Variants in LRRTM4 observed in about 807,000 individuals in gnomAD.
LRRTM4 encodes leucine rich repeat transmembrane neuronal 4, also known as leucine-rich repeat transmembrane neuronal protein 4.
In LRRTM4, 25 loss-of-function variants were observed where a neutral mutation model predicts 47.6. That is an observed-to-expected ratio of 0.53 (90% CI 0.38 to 0.73). LRRTM4 has a LOEUF of 0.73. Among genes scored for constraint, LRRTM4 ranks in the 30% least tolerant of loss-of-function variants. The probability of loss-of-function intolerance (pLI) is 0.00; values close to 1 mark genes in which losing one functional copy is unlikely to be tolerated. For missense variants in LRRTM4, 638 were observed against 713.4 expected, an observed-to-expected ratio of 0.89 and a Z score of 1.20; for synonymous variants, 311 against 269.5, an observed-to-expected ratio of 1.15 and a Z score of -1.51.
intron 3 of LRRTM4, among the ~76,000 whole-genome samples, chr2:77,242,036 A>G (rs1675282722): frequency 6.6e-6 from 1 of 152,234 alleles, no homozygotes; most frequent in South Asian, 2.1e-4. Context: ...TTTGATTGCT[A>G]TAATAGCTTT....
intron 3 of LRRTM4, among the ~76,000 whole-genome samples, chr2:76,799,979 C>A (rs1220455242): frequency 6.6e-6 from 1 of 151,648 alleles, no homozygotes; most frequent in African/African-American, 2.4e-5. Context: ...AAGAACATTC[C>A]ATGCTCGTGG....
chr2:77,037,406 A>G (rs2104162960), intron 3 of LRRTM4, among the ~76,000 whole-genome samples: 1 of 151,900 alleles, frequency 6.6e-6, no homozygotes, highest in South Asian at 2.1e-4. Flanking sequence ...GGGTCACTAT[A>G]GTTCTCTCTG....
chr2:77,043,194 G>A (rs867713902), intron 3 of LRRTM4, among the ~76,000 whole-genome samples: 4 of 151,798 alleles, frequency 2.6e-5, no homozygotes, highest in Middle Eastern at 6.8e-3. Flanking sequence ...GTTCTGTGGG[G>A]AAAACAGGCT....
intron 3 of LRRTM4, among the ~76,000 whole-genome samples, chr2:77,010,742 A>T (rs1429011351): frequency 6.6e-6 from 1 of 152,146 alleles, no homozygotes; most frequent in East Asian, 1.9e-4. Context: ...AAAGTGGCTG[A>T]TACTTAGATG....
chr2:77,355,072 A>G (rs932539945), intron 3 of LRRTM4, among the ~76,000 whole-genome samples: 1 of 152,218 alleles, frequency 6.6e-6, no homozygotes, highest in Non-Finnish European at 1.5e-5. Flanking sequence ...TGATCCTCTC[A>G]TGCATGGATT....
intron 3 of LRRTM4, among the ~76,000 whole-genome samples, chr2:76,812,875 A>G (rs978005838): frequency 1.4e-5 from 2 of 146,760 alleles, no homozygotes; most frequent in East Asian, 4.2e-4. Flanking sequence ...ATATTTAATT[A>G]TCATTAGTGG....
intron 3 of LRRTM4, among the ~76,000 whole-genome samples, chr2:77,360,774 A>C (rs1672179178): frequency 1.3e-5 from 2 of 152,092 alleles, no homozygotes; most frequent in Non-Finnish European, 2.9e-5. Flanking sequence ...ATAAATCAGG[A>C]AGGTTAATTT....
At chr2:77,337,818 C>T (rs945316279) in intron 3 of LRRTM4, among the ~76,000 whole-genome samples, 1 of 152,026 alleles carries the variant, frequency 6.6e-6, no homozygotes, top group Admixed American at 6.6e-5. Flanking sequence ...GCAAAAAGAA[C>T]AAAGTCGGAG....
At chr2:77,041,805 C>T (rs573852636) in intron 3 of LRRTM4, among the ~76,000 whole-genome samples, 4 of 149,758 alleles carry the variant, frequency 2.7e-5, no homozygotes, top group South Asian at 2.1e-4. Context: ...AAAATCATTG[C>T]GGTTTTTGCT....
intron 3 of LRRTM4, among the ~76,000 whole-genome samples, chr2:77,012,209 A>G (rs1343207795): frequency 6.6e-6 from 1 of 152,164 alleles, no homozygotes; most frequent in Non-Finnish European, 1.5e-5. Context: ...AGCTTACTCA[A>G]GTATTTCTAG....
rs562770574 is a variant in LRRTM4, at chr2:77,042,465, T to A, written c.1552-293549A>T. Among the ~76,000 whole-genome samples, 3 of 151,730 alleles carry A rather than the reference T, an allele frequency of 2.0e-5. No homozygotes were observed. In the South Asian group the frequency reaches 6.2e-4, roughly 31 times the overall value. ...ATTATCTCTATTATAAAATTTACTT[T>A]GATGTATGAAACATAGTATCTACTT... On this transcript the variant is annotated intron_variant, in intron 3 of 3. Coordinates refer to ENST00000409884, the MANE Select transcript of LRRTM4 (RefSeq NM_001134745.3).
chr2:77,514,716 A>G (rs776045371), intron 3 of LRRTM4, among the ~76,000 whole-genome samples: 18 of 151,858 alleles, frequency 1.2e-4, no homozygotes, highest in Non-Finnish European at 2.1e-4. Flanking sequence ...ATTTTCACCA[A>G]TTTAACTTTT....
intron 3 of LRRTM4, among the ~76,000 whole-genome samples, chr2:77,398,493 GAA>G (rs1673795348): frequency 6.6e-6 from 1 of 151,744 alleles, no homozygotes; most frequent in Non-Finnish European, 1.5e-5. Flanking sequence ...ACATGAAAGT[GAA>G]AAAGAGTCAT....
At chr2:76,977,641 G>C (rs1296708873) in intron 3 of LRRTM4, among the ~76,000 whole-genome samples, 1 of 151,866 alleles carries the variant, frequency 6.6e-6, no homozygotes, top group Non-Finnish European at 1.5e-5. Flanking sequence ...GGTCCACACA[G>C]TCATAACTCA....
chr2:77,516,919 A>G lies in LRRTM4; in HGVS notation c.1551+1399T>C, dbSNP rs976659858. On this transcript the variant is annotated intron_variant, in intron 3 of 3. Coordinates refer to ENST00000409884, the MANE Select transcript of LRRTM4 (RefSeq NM_001134745.3). ...CTATGGAAAAATTGGAGTATATGCT[A>G]TCAAAGAGCAATTATATTTTCCAAC... The G allele has an allele frequency of 9.1e-6, 9 of 984,480 alleles. No homozygotes were observed. The African/African-American group carries it at 1.0e-4, about 11-fold the overall frequency. 61.0% of individuals were successfully genotyped at this position (984,480 alleles called of 1,614,324 possible).
intron 3 of LRRTM4, among the ~76,000 whole-genome samples, chr2:76,979,533 G>C (rs946090420): frequency 1.1e-5 from 1 of 89,618 alleles, no homozygotes; most frequent in Admixed American, 9.9e-5. Flanking sequence ...CTGCAAAACT[G>C]AATTTCTGTA....
rs1000255746 is a variant in LRRTM4 at position 77,093,930 on chromosome 2, C to T, written c.1552-345014G>A. 1.3e-4 allele frequency among the ~76,000 whole-genome samples: 20 copies of T among 150,756 alleles called. 1 individual carries two copies. Among genetic ancestry groups the T allele is most frequent in the East Asian group, 3.9e-4 (2 of 5,160 alleles). On this transcript the variant is annotated intron_variant, in intron 3 of 3. Transcript: ENST00000409884. ...GCACCTTGCGACCCCCACTCCTGCC[C>T]GCCAGAGAACAAACCCGCTTTGACT...
At position 77,145,949 on chromosome 2, in the gene LRRTM4, C is replaced by G. The variant is rs544118643; in HGVS notation, c.1551+372369G>C. Among the ~76,000 whole-genome samples the G allele has an allele frequency of 1.6e-4, 25 of 152,156 alleles. No homozygotes were observed. In the East Asian group the frequency reaches 4.8e-3, roughly 29 times the overall value. On this transcript the variant is annotated intron_variant, in intron 3 of 3. Coordinates refer to ENST00000409884, the MANE Select transcript of LRRTM4 (RefSeq NM_001134745.3). ...ATTTAAGATCAAAATTTGTCAAATT[C>G]CATCACTGTAACAGCTCATTCAGTA...
intron 3 of LRRTM4, among the ~76,000 whole-genome samples, chr2:77,435,906 T>C (rs1675575461): frequency 6.6e-6 from 1 of 152,168 alleles, no homozygotes; most frequent in Non-Finnish European, 1.5e-5. Flanking sequence ...AACTTTTACC[T>C]AGACCATACT....
Sources: allele counts gnomAD v4.1 joint callset (sites outside exome capture counted in the v4.1 genomes callset), GRCh38; gene constraint gnomAD v4.1.1; transcripts MANE v1.5; gene names NCBI Gene and HGNC (gene_info 2026-07-23, HGNC 2026-07-21).